Variants in SFMBT2 observed in about 807,000 individuals in gnomAD.
SFMBT2 encodes the protein Scm like with four mbt domains 2.
Under a neutral mutation model 110.1 loss-of-function variants are expected in SFMBT2, and 38 were observed. That is an observed-to-expected ratio of 0.35 (90% CI 0.27 to 0.45). The LOEUF (loss-of-function observed/expected upper bound fraction) is 0.45, where lower values mean the gene tolerates loss of function less well. SFMBT2 is among the 20% of genes least tolerant of loss of function. The probability of loss-of-function intolerance (pLI) is 1.00; values close to 1 mark genes in which losing one functional copy is unlikely to be tolerated. For missense variants in SFMBT2, 1,011 were observed against 1,094.9 expected, an observed-to-expected ratio of 0.92 and a Z score of 1.08; for synonymous variants, 425 against 425.4, an observed-to-expected ratio of 1.00 and a Z score of 0.01.
At chr10:7,199,930 G>A in intron 14 of SFMBT2, among the ~76,000 whole-genome samples, 1 of 152,174 alleles carries the variant, frequency 6.6e-6, no homozygotes, top group Non-Finnish European at 1.5e-5. Context: ...ATTGTAAGAT[G>A]TAAGACTTTA....
chr10:7,344,916 G>T (rs368304802), intron 4 of SFMBT2, among the ~76,000 whole-genome samples: 1 of 133,936 alleles, frequency 7.5e-6, no homozygotes, highest in African/African-American at 3.0e-5. Context: ...CCGAGATTGC[G>T]CCACTGCACT....
intron 5 of SFMBT2, chr10:7,285,416 G>C (rs1842057128): frequency 6.6e-6 from 1 of 152,416 alleles, no homozygotes; most frequent in South Asian, 2.1e-4. Flanking sequence ...ACGTGTGTAT[G>C]TTCAAATCTT....
intron 2 of SFMBT2, among the ~76,000 whole-genome samples, chr10:7,376,698 CAA>C (rs59565462): frequency 2.1e-5 from 1 of 46,646 alleles, no homozygotes; most frequent in Non-Finnish European, 3.4e-5. Context: ...GACTCTGTCT[CAA>C]AAAAAAAAAA....
At chr10:7,355,718 C>A (rs1020886371) in intron 4 of SFMBT2, among the ~76,000 whole-genome samples, 2 of 152,054 alleles carry the variant, frequency 1.3e-5, no homozygotes, top group African/African-American at 4.8e-5. Flanking sequence ...AAGGCTGAGG[C>A]AGAGAACTGC....
At chr10:7,197,434 G>C in intron 15 of SFMBT2, 114 bp downstream of exon 15, 10 of 1,410,522 alleles carry the variant, frequency 7.1e-6, no homozygotes, top group East Asian at 2.3e-5. Flanking sequence ...CGGAGGTCTC[G>C]GTAAATGCCA....
chr10:7,266,915 G>A (rs1195123567), intron 7 of SFMBT2, among the ~76,000 whole-genome samples: 6 of 151,992 alleles, frequency 3.9e-5, no homozygotes, highest in African/African-American at 1.2e-4. Context: ...GAGGGGGCTC[G>A]CCTGCAAGGG....
At chr10:7,238,379 T>C (rs1840325168) in intron 9 of SFMBT2, among the ~76,000 whole-genome samples, 1 of 152,210 alleles carries the variant, frequency 6.6e-6, no homozygotes, top group Non-Finnish European at 1.5e-5. Flanking sequence ...TATTTCATTG[T>C]TGAAAAACAC....
intron 4 of SFMBT2, among the ~76,000 whole-genome samples, chr10:7,313,758 CA>C (rs1304845493): frequency 3.3e-5 from 5 of 152,208 alleles, no homozygotes. Context: ...GCTGGGATTA[CA>C]GGTGTGAGCC....
rs548891853 is a variant in SFMBT2, at chr10:7,319,435, C to G, written c.437-33481G>C. 2.6e-5 allele frequency among the ~76,000 whole-genome samples: 4 copies of G among 152,298 alleles called. No individual in the cohort carries two copies. The South Asian group carries it at 8.3e-4, about 32-fold the overall frequency. On this transcript the variant is annotated intron_variant, in intron 4 of 20. Coordinates refer to ENST00000397167, the MANE Select transcript of SFMBT2 (RefSeq NM_001387889.1). The stretch of plus-strand genomic sequence containing the variant: ...AGCCTATCTCAAACTGGATGGGACA[C>G]AAGTCTGTTCTTAATTTGACCTAGA...
chr10:7,382,431 G>C (rs1018780520), intron 1 of SFMBT2, among the ~76,000 whole-genome samples: 4 of 152,032 alleles, frequency 2.6e-5, no homozygotes, highest in African/African-American at 9.7e-5. Flanking sequence ...TAATTAATTA[G>C]TTAAAAAGAC....
intron 1 of SFMBT2, among the ~76,000 whole-genome samples, chr10:7,390,262 T>A (rs955183282): frequency 4.6e-5 from 7 of 152,220 alleles, no homozygotes; most frequent in African/African-American, 1.7e-4. Context: ...GAGCCGTATT[T>A]GAGGGCTTGG....
At chr10:7,401,410 GGAGCTGGAGGAGT>G (rs1846079555) in intron 1 of SFMBT2, among the ~76,000 whole-genome samples, 1 of 152,130 alleles carries the variant, frequency 6.6e-6, no homozygotes, top group Non-Finnish European at 1.5e-5. Flanking sequence ...TCCAGCACAC[GGAGCTGGAGGAGT>G]GATCTTAACA....
intron 1 of SFMBT2, among the ~76,000 whole-genome samples, chr10:7,402,295 A>AAGT (rs1225446530): frequency 6.6e-6 from 1 of 152,194 alleles, no homozygotes; most frequent in Non-Finnish European, 1.5e-5. Flanking sequence ...CCAAAAGCTT[A>AAGT]AGTAAACATG....
At chr10:7,205,593 T>C (rs1400038418) in intron 12 of SFMBT2, 1 of 985,360 alleles carries the variant, frequency 1.0e-6, no homozygotes, top group Admixed American at 6.1e-5. Flanking sequence ...TGCCTCTCTG[T>C]GACTTTCAAC....
chr10:7,302,132 G>A (rs577765018), intron 4 of SFMBT2, among the ~76,000 whole-genome samples: 5 of 152,260 alleles, frequency 3.3e-5, no homozygotes, highest in Admixed American at 2.0e-4. Flanking sequence ...CTCCACTTGC[G>A]GAAAATGCCC....
At chr10:7,292,736 G>A (rs932808320) in intron 4 of SFMBT2, among the ~76,000 whole-genome samples, 5 of 152,296 alleles carry the variant, frequency 3.3e-5, no homozygotes, top group Admixed American at 2.6e-4. Context: ...TAAGATTTAG[G>A]TGGGGTGCGA....
rs1839062722 is a variant in SFMBT2, at chr10:7,204,502, A to G, written c.1444+1313T>C. 7.6e-6 allele frequency: 7 copies of G among 919,010 alleles called. No individual in the cohort carries two copies. The South Asian group carries it at 3.4e-4, about 44-fold the overall frequency. The allele number at this position is 919,010 out of a possible 1,614,324, so 56.9% of individuals were successfully genotyped here. A position where few individuals can be genotyped will look rare whatever the true frequency, so the allele number is the denominator to read the frequency against. On this transcript the variant is annotated intron_variant, in intron 12 of 20. Coordinates refer to ENST00000397167, the MANE Select transcript of SFMBT2 (RefSeq NM_001387889.1). ...TAACACTTCTGATATGCATTAGGGT[A>G]GAATAATAAACGCAATGATTTATTA...
chr10:7,165,711 T>C (rs1175444677), intron 20 of SFMBT2, among the ~76,000 whole-genome samples: 1 of 152,246 alleles, frequency 6.6e-6, no homozygotes, highest in Non-Finnish European at 1.5e-5. Flanking sequence ...CTGTCTTGTA[T>C]ACACACTGAA....
intron 2 of SFMBT2, among the ~76,000 whole-genome samples, chr10:7,372,583 C>A (rs1845092748): frequency 6.6e-6 from 1 of 152,166 alleles, no homozygotes; most frequent in African/African-American, 2.4e-5. Flanking sequence ...ATGGATGACA[C>A]CAAGAAGTTT....
Sources: gnomAD v4.1 joint callset for allele counts (sites outside exome capture counted in the v4.1 genomes callset) on GRCh38, gnomAD v4.1.1 for gene constraint, MANE v1.5 for transcripts, NCBI Gene and HGNC (gene_info 2026-07-23, HGNC 2026-07-21) for gene names.